Variants in RAP1GDS1 observed in about 807,000 individuals in gnomAD.
The protein encoded by RAP1GDS1 is Rap1 GTPase-GDP dissociation stimulator 1, also known as RAP1, GTP-GDP dissociation stimulator 1.
A neutral mutation model predicts 71.1 loss-of-function variants in RAP1GDS1; 35 were observed. The ratio of observed to expected loss-of-function variants is 0.49; its 90% CI spans 0.38 to 0.65. The LOEUF (loss-of-function observed/expected upper bound fraction) is 0.65. RAP1GDS1 is among the 30% of genes least tolerant of loss of function. The pLI, the probability that RAP1GDS1 is intolerant of heterozygous loss-of-function variation, is 0.00. For synonymous variants in RAP1GDS1, 229 were observed against 243.1 expected, an observed-to-expected ratio of 0.94 and a Z score of 0.54; for missense variants, 663 against 706.1, an observed-to-expected ratio of 0.94 and a Z score of 0.69.
chr4:98,344,863 C>T (rs1010801562), intron 3 of RAP1GDS1, among the ~76,000 whole-genome samples: 10 of 152,216 alleles, frequency 6.6e-5, no homozygotes, highest in South Asian at 2.1e-4. Flanking sequence ...CTTACTGTGT[C>T]GCCCAGGCTG....
chr4:98,275,330 C>T (rs1471652960), intron 1 of RAP1GDS1, among the ~76,000 whole-genome samples: 1 of 152,122 alleles, frequency 6.6e-6, no homozygotes, highest in Non-Finnish European at 1.5e-5. Context: ...CAAGTCATAA[C>T]TGTCACTGCA....
intron 9 of RAP1GDS1, among the ~76,000 whole-genome samples, chr4:98,417,732 A>G (rs1408530948): frequency 1.3e-5 from 2 of 152,176 alleles, no homozygotes; most frequent in African/African-American, 4.8e-5. Context: ...CTTCTTTTGA[A>G]TACTTGGCAC....
At chr4:98,300,887 C>T (rs1179763527) in intron 2 of RAP1GDS1, among the ~76,000 whole-genome samples, 1 of 152,160 alleles carries the variant, frequency 6.6e-6, no homozygotes, top group African/African-American at 2.4e-5. Context: ...TCTTGTCTAG[C>T]AGTAAAAACT....
intron 2 of RAP1GDS1, among the ~76,000 whole-genome samples, chr4:98,339,207 G>A (rs904122842): frequency 6.6e-6 from 1 of 152,146 alleles, no homozygotes; most frequent in African/African-American, 2.4e-5. Flanking sequence ...GCTACCAGGA[G>A]GTCAGGTGGA....
At chr4:98,385,866 T>C (rs901872286) in intron 5 of RAP1GDS1, among the ~76,000 whole-genome samples, 2 of 151,920 alleles carry the variant, frequency 1.3e-5, no homozygotes, top group African/African-American at 2.4e-5. Context: ...TTTAAGCATA[T>C]GTTTGTAAGA....
intron 12 of RAP1GDS1, among the ~76,000 whole-genome samples, chr4:98,421,829 A>G (rs1748906284): frequency 6.6e-6 from 1 of 152,220 alleles, no homozygotes; most frequent in African/African-American, 2.4e-5. Flanking sequence ...TTTAAAGATC[A>G]CAATAGTGAG....
chr4:98,298,735 C>A lies in RAP1GDS1; in HGVS notation c.112+5220C>A, dbSNP rs554409869. The stretch of plus-strand genomic sequence containing the variant: ...TTTTTGTGCCTGTTAACACAACATC[C>A]GTGGATGAAGGAATAATTTCGAAGC... On this transcript the variant is annotated intron_variant, in intron 2 of 14. Transcript: ENST00000408927. Among the ~76,000 whole-genome samples, 16 of 152,176 alleles carry A rather than the reference C, an allele frequency of 1.1e-4. 2 individuals carry two copies. In the South Asian group the frequency reaches 1.9e-3, roughly 18 times the overall value.
intron 5 of RAP1GDS1, among the ~76,000 whole-genome samples, chr4:98,391,285 C>G (rs986810281): frequency 6.6e-6 from 1 of 152,088 alleles, no homozygotes; most frequent in African/African-American, 2.4e-5. Flanking sequence ...TAACCTCATT[C>G]TCTTCACCTC....
chr4:98,364,656 A>G (rs925791877), intron 4 of RAP1GDS1, among the ~76,000 whole-genome samples: 10 of 152,266 alleles, frequency 6.6e-5, no homozygotes, highest in Admixed American at 1.3e-4. Flanking sequence ...TTGAAAGAAC[A>G]TAGAGTAGAA....
At chr4:98,316,381 A>G (rs916894597) in intron 2 of RAP1GDS1, among the ~76,000 whole-genome samples, 3 of 152,208 alleles carry the variant, frequency 2.0e-5, no homozygotes, top group African/African-American at 7.2e-5. Flanking sequence ...TAAGCTTTCA[A>G]TCATAGGGTA....
chr4:98,295,823 G>T (rs1727654168), intron 2 of RAP1GDS1, among the ~76,000 whole-genome samples: 1 of 151,862 alleles, frequency 6.6e-6, no homozygotes, highest in Admixed American at 6.6e-5. Context: ...GAACTATAAA[G>T]TGATATATGT....
At chr4:98,394,992 G>C (rs1419035519) in intron 6 of RAP1GDS1, among the ~76,000 whole-genome samples, 4 of 152,048 alleles carry the variant, frequency 2.6e-5, no homozygotes, top group African/African-American at 9.7e-5. Flanking sequence ...CATATTCAGT[G>C]TACTCTGATC....
chr4:98,388,622 A>G (rs970597457), intron 5 of RAP1GDS1, among the ~76,000 whole-genome samples: 4 of 152,182 alleles, frequency 2.6e-5, no homozygotes, highest in Admixed American at 6.6e-5. Context: ...GCTACTCGGG[A>G]GGCTGAGGCA....
At chr4:98,370,072 TTA>T (rs201763430) in intron 4 of RAP1GDS1, among the ~76,000 whole-genome samples, 1,844 of 152,288 alleles carry the variant, frequency 0.012, 11 homozygotes, top group Admixed American at 0.018. Flanking sequence ...GCTGCTTAAA[TTA>T]TATGTTTTCC....
chr4:98,278,792 A>T (rs1041101642), intron 1 of RAP1GDS1, among the ~76,000 whole-genome samples: 1 of 152,334 alleles, frequency 6.6e-6, no homozygotes, highest in Non-Finnish European at 1.5e-5. Context: ...TTTCAAGCTC[A>T]GTTACCTCAT....
chr4:98,352,752 A>C (rs1283470081), intron 4 of RAP1GDS1, 151 bp downstream of exon 4: 2 of 634,054 alleles, frequency 3.2e-6, no homozygotes, highest in African/African-American at 3.8e-5. Flanking sequence ...GAATTTATGG[A>C]GATTCAGGTC....
At chr4:98,286,264 C>CA (rs752872418) in intron 1 of RAP1GDS1, among the ~76,000 whole-genome samples, 1,934 of 102,658 alleles carry the variant, frequency 0.019, 14 homozygotes, top group Middle Eastern at 0.032. Flanking sequence ...GACCCTGTCT[C>CA]AAAAAAAAAA....
intron 6 of RAP1GDS1, among the ~76,000 whole-genome samples, chr4:98,392,633 A>C (rs901849780): frequency 2.0e-5 from 3 of 152,152 alleles, no homozygotes; most frequent in Non-Finnish European, 2.9e-5. Context: ...CCCAGGAGGC[A>C]GAGGTTGCAG....
chr4:98,262,090 C>G (rs1476272632), intron 1 of RAP1GDS1, among the ~76,000 whole-genome samples: 1 of 152,224 alleles, frequency 6.6e-6, no homozygotes, highest in South Asian at 2.1e-4. Context: ...ATCTTACAAC[C>G]TGCACGGAAA....
Sources: gnomAD v4.1 joint callset for allele counts (sites outside exome capture counted in the v4.1 genomes callset) on GRCh38, gnomAD v4.1.1 for gene constraint, MANE v1.5 for transcripts, NCBI Gene and HGNC (gene_info 2026-07-23, HGNC 2026-07-21) for gene names.